FAM184A: variants seen among roughly 807,000 people sequenced by gnomAD.
FAM184A encodes protein FAM184A.
FAM184A carries 99 observed loss-of-function variants against 143.8 expected under a neutral mutation model. The ratio of observed to expected loss-of-function variants is 0.69; its 90% CI spans 0.58 to 0.81. FAM184A has a LOEUF of 0.81. Among genes scored for constraint, FAM184A ranks in the 40% least tolerant of loss-of-function variants. The probability of loss-of-function intolerance (pLI) is 0.00; values close to 1 mark genes in which losing one functional copy is unlikely to be tolerated. For synonymous variants in FAM184A, 427 were observed against 446.4 expected, an observed-to-expected ratio of 0.96 and a Z score of 0.55; for missense variants, 1,217 against 1,310.5, an observed-to-expected ratio of 0.93 and a Z score of 1.10.
intron 1 of FAM184A, among the ~76,000 whole-genome samples, chr6:119,120,026 C>T (rs1204396029): frequency 6.6e-6 from 1 of 152,118 alleles, no homozygotes; most frequent in Non-Finnish European, 1.5e-5. Context: ...AATTCACGTA[C>T]CCTAAAATTC....
At chr6:118,970,962 T>G (rs910559803) in intron 14 of FAM184A, among the ~76,000 whole-genome samples, 3 of 152,030 alleles carry the variant, frequency 2.0e-5, no homozygotes, top group Non-Finnish European at 4.4e-5. Flanking sequence ...AAAAATAAAA[T>G]CAGTGAATTT....
chr6:118,961,963 G>C lies in FAM184A; in HGVS notation c.3139C>G (p.Gln1047Glu). ...GGTGATTTATCATTCTTCTTCTTTT[G>C]CTGCATTAAAAATAATACATGTGAG... ...TVGVINPLAK[Q>E]KKKNDKSPTN... Residue 1047 changes from glutamine to glutamate, a missense_variant and splice_region_variant, in exon 17 of 18, where the codon CAA becomes GAA. Transcript: ENST00000338891. 1 of 1,613,166 alleles carries C rather than the reference G, an allele frequency of 6.2e-7. No homozygotes were observed.
At chr6:119,010,695 T>C (rs1020125708) in intron 6 of FAM184A, among the ~76,000 whole-genome samples, 1 of 152,200 alleles carries the variant, frequency 6.6e-6, no homozygotes, top group African/African-American at 2.4e-5. Context: ...TGTACAAATA[T>C]TCCATGTTTC....
intron 1 of FAM184A, among the ~76,000 whole-genome samples, chr6:119,110,668 T>C (rs898099619): frequency 6.6e-6 from 1 of 152,310 alleles, no homozygotes; most frequent in Non-Finnish European, 1.5e-5. Flanking sequence ...TGTGGTTGGC[T>C]GAGACATTTC....
At chr6:119,049,271 A>T (rs1786654966) in intron 1 of FAM184A, among the ~76,000 whole-genome samples, 1 of 152,174 alleles carries the variant, frequency 6.6e-6, no homozygotes, top group African/African-American at 2.4e-5. Context: ...AACATGGTAA[A>T]ACCCCATCTC....
At chr6:118,970,311 G>T (rs1388290497) in intron 14 of FAM184A, among the ~76,000 whole-genome samples, 1 of 151,660 alleles carries the variant, frequency 6.6e-6, no homozygotes. Flanking sequence ...AGCCGGGTCT[G>T]TATATCTTAA....
In FAM184A at chr6:119,056,038, C is replaced by A. The variant is rs150800993; in HGVS notation, c.159+22103G>T. On this transcript the variant is annotated intron_variant, in intron 1 of 17. Transcript: ENST00000338891. ...TTTATACAGGGTATATTTATTAGTA[C>A]TACCATATCACTAAGCAGGATAAAC... Among the ~76,000 whole-genome samples, 1,255 of 152,170 alleles carry A rather than the reference C, an allele frequency of 8.2e-3. 13 individuals are homozygous for A. The highest frequency in any genetic ancestry group is 0.017 in the Middle Eastern group (5 of 294).
intron 14 of FAM184A, among the ~76,000 whole-genome samples, chr6:118,973,995 G>C (rs969809654): frequency 1.3e-5 from 2 of 152,034 alleles, no homozygotes; most frequent in African/African-American, 4.8e-5. Context: ...CCATTCTCTT[G>C]AGGGAACCAT....
intron 1 of FAM184A, among the ~76,000 whole-genome samples, chr6:119,148,667 A>T (rs1772538627): frequency 1.3e-5 from 2 of 152,174 alleles, no homozygotes; most frequent in African/African-American, 4.8e-5. Context: ...TCATTCAGTC[A>T]TCCTGCCAGG....
At chr6:118,969,000 G>A (rs1213352174) in intron 14 of FAM184A, among the ~76,000 whole-genome samples, 1 of 152,198 alleles carries the variant, frequency 6.6e-6, no homozygotes, top group Non-Finnish European at 1.5e-5. Flanking sequence ...CAATCCCCAT[G>A]TGTCATGGGA....
intron 7 of FAM184A, 56 bp downstream of exon 7, chr6:119,006,391 C>T: frequency 6.4e-7 from 1 of 1,562,532 alleles, no homozygotes; most frequent in South Asian, 1.2e-5. Context: ...GGTCAAATGG[C>T]TAAATTCTAT....
At chr6:119,082,273 G>T (rs1788095310), upstream of FAM184A, among the ~76,000 whole-genome samples, 1 of 152,138 alleles carries the variant, frequency 6.6e-6, no homozygotes. Flanking sequence ...TATGAGATTT[G>T]AGTGGAGACA....
chr6:119,037,951 G>A (rs1786174266), intron 1 of FAM184A, among the ~76,000 whole-genome samples: 1 of 152,162 alleles, frequency 6.6e-6, no homozygotes, highest in South Asian at 2.1e-4. Flanking sequence ...AGGACAGAAA[G>A]CAAATGAGGA....
At chr6:119,003,373 T>A (rs1784822863) in intron 8 of FAM184A, 128 bp downstream of exon 8, 2 of 936,348 alleles carry the variant, frequency 2.1e-6, no homozygotes, top group African/African-American at 3.4e-5. Context: ...TTTCTCTGTC[T>A]CTAATCACAG....
intron 1 of FAM184A, among the ~76,000 whole-genome samples, chr6:119,112,137 CT>C (rs1319598625): frequency 3.1e-4 from 45 of 144,876 alleles, no homozygotes; most frequent in East Asian, 4.0e-4. Context: ...TTCTTTCTTT[CT>C]TTTTTTTTTT....
At chr6:119,028,897 A>G (rs755005229) in intron 1 of FAM184A, among the ~76,000 whole-genome samples, 54 of 152,174 alleles carry the variant, frequency 3.5e-4, no homozygotes, top group Non-Finnish European at 7.2e-4. Context: ...AATGAACTGA[A>G]TTATAGTATA....
At chr6:119,116,255 C>CA (rs982967410) in intron 1 of FAM184A, among the ~76,000 whole-genome samples, 1 of 151,594 alleles carries the variant, frequency 6.6e-6, no homozygotes, top group Non-Finnish European at 1.5e-5. Flanking sequence ...AACACAAAGG[C>CA]AAAAAACCAG....
At position 119,002,360 on chromosome 6, in the gene FAM184A, C is replaced by T. The variant is rs184414866; in HGVS notation, c.2088+539G>A. The stretch of plus-strand genomic sequence containing the variant: ...GTGCAAATTCTTTTAATTACAGTTA[C>T]AAATGTTATGGAAATAAGCAAGCAT... On this transcript the variant is annotated intron_variant, in intron 9 of 17. Coordinates refer to ENST00000338891, the MANE Select transcript of FAM184A (RefSeq NM_024581.6). Among the ~76,000 whole-genome samples the T allele has an allele frequency of 9.9e-5, 15 of 152,176 alleles. No homozygotes were observed. In the East Asian group the frequency reaches 1.3e-3, roughly 14 times the overall value.
intron 13 of FAM184A, 125 bp from the exon 14 acceptor site, chr6:118,974,699 A>C (rs1783796784): frequency 1.3e-6 from 1 of 763,332 alleles, no homozygotes; most frequent in Admixed American, 3.1e-5. Flanking sequence ...TAAACAGCCT[A>C]AATTAAGCTA....
Sources: allele counts gnomAD v4.1 joint callset (sites outside exome capture counted in the v4.1 genomes callset), GRCh38; gene constraint gnomAD v4.1.1; transcripts MANE v1.5; gene names NCBI Gene and HGNC (gene_info 2026-07-23, HGNC 2026-07-21).